PPEF1: variants seen among roughly 807,000 people sequenced by gnomAD.
PPEF1 encodes the protein serine/threonine-protein phosphatase with EF-hands 1.
In PPEF1, 12 loss-of-function variants were observed where a neutral mutation model predicts 53.3. The ratio of observed to expected loss-of-function variants is 0.23; its 90% CI spans 0.14 to 0.36. The LOEUF is 0.36. Ranked by LOEUF, PPEF1 falls within the 10% of genes least tolerant of loss-of-function variation. PPEF1 has a pLI of 1.00. For missense variants in PPEF1, 334 were observed against 490.4 expected (o/e 0.68, Z 3.01); for synonymous variants, 165 against 176.7 (o/e 0.93, Z 0.52).
At chrX:18,740,730 G>A (rs781155234) in intron 3 of PPEF1, among the ~76,000 whole-genome samples, 103 of 111,279 alleles carry the variant, frequency 9.3e-4, no homozygotes, top group Admixed American at 3.0e-3. Context: ...TGATCTGTCT[G>A]TCTGTCTACC....
At chrX:18,739,251 C>T (rs770330785) in intron 3 of PPEF1, among the ~76,000 whole-genome samples, 5 of 112,215 alleles carry the variant, frequency 4.5e-5, no homozygotes, top group Non-Finnish European at 7.5e-5. Flanking sequence ...CTGGTTTCTC[C>T]GCATCTTTGT....
At position 18,762,968 on chromosome X, in the gene PPEF1, T is replaced by C. The variant is rs769583153; in HGVS notation, c.558+1392T>C. On this transcript the variant is annotated intron_variant, in intron 6 of 15. Transcript: ENST00000470157. ...GAACTGGGAAGGAAGAGAGTTTTTA[T>C]TTCTGTAAGTGGCTCCAGGGAGAAG... Among the ~76,000 whole-genome samples, 13 of 111,835 alleles carry C rather than the reference T, an allele frequency of 1.2e-4. No homozygotes were observed. The East Asian group carries it at 3.7e-3, about 31-fold the overall frequency.
At chrX:18,728,948 C>T (rs1043737059) in intron 1 of PPEF1, among the ~76,000 whole-genome samples, 3 of 111,883 alleles carry the variant, frequency 2.7e-5, no homozygotes, top group Non-Finnish European at 3.8e-5. Flanking sequence ...CTCTAAAACT[C>T]GAGGAGGCAT....
At chrX:18,789,475 A>G (rs945248527) in intron 10 of PPEF1, among the ~76,000 whole-genome samples, 3 of 112,335 alleles carry the variant, frequency 2.7e-5, no homozygotes, top group Admixed American at 9.4e-5. Flanking sequence ...GTATAATTCA[A>G]TGGTTTTTGG....
intron 12 of PPEF1, 103 bp from the exon 13 acceptor site, chrX:18,817,936 A>G (rs1288696645): frequency 1.0e-5 from 6 of 584,572 alleles, no homozygotes; most frequent in Non-Finnish European, 1.6e-5. Context: ...AATCTGGGCA[A>G]TTCATTTAAA....
chrX:18,796,353 T>A (rs2046433248), intron 10 of PPEF1, among the ~76,000 whole-genome samples: 1 of 112,746 alleles, frequency 8.9e-6, no homozygotes, highest in Non-Finnish European at 1.9e-5. Context: ...CTGAAAGAAA[T>A]GAAATAAAAT....
At chrX:18,708,038 G>A (rs1033257257) in intron 1 of PPEF1, among the ~76,000 whole-genome samples, 2 of 112,315 alleles carry the variant, frequency 1.8e-5, no homozygotes, top group African/African-American at 3.2e-5. Flanking sequence ...GAGATATTTT[G>A]TGTTTGATTT....
chrX:18,780,083 T>C (rs181166227), intron 7 of PPEF1, among the ~76,000 whole-genome samples: 14 of 112,363 alleles, frequency 1.2e-4, no homozygotes, highest in African/African-American at 4.5e-4. Context: ...AGGCATGCTG[T>C]TTATCCTTAT....
chrX:18,722,597 T>TAAAC (rs1429174708), intron 1 of PPEF1, among the ~76,000 whole-genome samples: 1 of 112,446 alleles, frequency 8.9e-6, no homozygotes, highest in Non-Finnish European at 1.9e-5. Context: ...ACACAAAGTC[T>TAAAC]TAACTAAACA....
chrX:18,827,342 T>C lies in PPEF1; in HGVS notation c.1817T>C (p.Ile606Thr), dbSNP rs1384501489. ...KLFSSHYNVH[I>T]DDSQVNKLAN... ...TTTAGTTCTCACTACAATGTTCACA[T>C]TGATGATTCCCAAGTCAATAAGCTT... Residue 606 changes from isoleucine (I) to threonine (T), a missense_variant, in exon 16 of 16, where the codon ATT becomes ACT. Ile to Thr is a moderately conservative substitution (Grantham distance 89). Transcript: ENST00000470157. 3 of 1,208,446 alleles carry C rather than the reference T, an allele frequency of 2.5e-6. No individual in the cohort carries two copies. In the Admixed American group the frequency reaches 6.6e-5, roughly 26 times the overall value.
chrX:18,759,960 C>T (rs1280921287), intron 5 of PPEF1, among the ~76,000 whole-genome samples: 1 of 111,618 alleles, frequency 9.0e-6, no homozygotes, highest in Non-Finnish European at 1.9e-5. Context: ...CCAAATGGGG[C>T]TTTTGGATAT....
At chrX:18,800,678 A>G (rs192145936) in intron 10 of PPEF1, among the ~76,000 whole-genome samples, 2 of 111,548 alleles carry the variant, frequency 1.8e-5, no homozygotes, top group Admixed American at 1.9e-4. Context: ...CTTTTGCACC[A>G]TTGTGAAGTT....
intron 1 of PPEF1, among the ~76,000 whole-genome samples, chrX:18,713,823 T>G (rs969280286): frequency 2.7e-5 from 3 of 112,054 alleles, no homozygotes; most frequent in African/African-American, 9.7e-5. Context: ...TAGCCTCACT[T>G]TCAGCACTAA....
chrX:18,700,478 G>C (rs758358258), intron 6 of PPEF1: 5 of 109,509 alleles, frequency 4.6e-5, no homozygotes, highest in African/African-American at 1.7e-4. Context: ...GCAAGCAGAA[G>C]TCTACATCAT....
chrX:18,786,387 A>T (rs929558244), intron 9 of PPEF1, among the ~76,000 whole-genome samples: 7 of 112,101 alleles, frequency 6.2e-5, no homozygotes, highest in Middle Eastern at 4.6e-3. Flanking sequence ...ACTGGGCAAC[A>T]TACTGAGGTT....
chrX:18,744,819 G>A (rs1277845868), intron 3 of PPEF1, among the ~76,000 whole-genome samples: 1 of 107,459 alleles, frequency 9.3e-6, no homozygotes, highest in Non-Finnish European at 1.9e-5. Flanking sequence ...TTTACCATGT[G>A]CCATGTATTT....
intron 10 of PPEF1, among the ~76,000 whole-genome samples, chrX:18,795,036 G>T (rs929454115): frequency 1.1e-4 from 12 of 112,114 alleles, no homozygotes; most frequent in Non-Finnish European, 2.3e-4. Context: ...TCCGCTGGGC[G>T]TGGTGGCTCA....
At chrX:18,757,580 T>C (rs777229632) in intron 4 of PPEF1, 47 bp from the exon 5 acceptor site, 3 of 1,000,395 alleles carry the variant, frequency 3.0e-6, no homozygotes, top group Middle Eastern at 2.5e-4. Context: ...CAGTCATGTC[T>C]TTCTTCCTTG....
At position 18,712,163 on chromosome X, in the gene PPEF1, G is replaced by A. The variant is rs2044346035; in HGVS notation, c.46+4337G>A. Among the ~76,000 whole-genome samples the A allele has an allele frequency of 2.7e-5, 3 of 111,821 alleles. No homozygotes were observed. In the South Asian group the frequency reaches 1.1e-3, roughly 42 times the overall value. Reference sequence around the variant, plus strand: ...TTCTGGGTCCCTTACATTTCCATATGAATTTTAGAATCAATGTGTCAGTGT... The same window carrying A: ...TTCTGGGTCCCTTACATTTCCATATAAATTTTAGAATCAATGTGTCAGTGT... On this transcript the variant is annotated intron_variant, in intron 1 of 15. Coordinates refer to ENST00000470157, the MANE Select transcript of PPEF1 (RefSeq NM_001377996.1).
Sources: allele counts gnomAD v4.1 joint callset (sites outside exome capture counted in the v4.1 genomes callset), GRCh38; gene constraint gnomAD v4.1.1; transcripts MANE v1.5; gene names NCBI Gene and HGNC (gene_info 2026-07-23, HGNC 2026-07-21).